SEMA7A: variants seen among roughly 807,000 people sequenced by gnomAD.
The protein encoded by SEMA7A is semaphorin 7A (JohnMiltonHagen blood group).
A neutral mutation model predicts 67.5 loss-of-function variants in SEMA7A; 21 were observed. That is an observed-to-expected ratio of 0.31 (90% CI 0.22 to 0.45). SEMA7A has a LOEUF of 0.45. Among genes scored for constraint, SEMA7A ranks in the 20% least tolerant of loss-of-function variants. The pLI is 1.00. For synonymous variants in SEMA7A, 364 were observed against 368.5 expected, an observed-to-expected ratio of 0.99 and a Z score of 0.14; for missense variants, 774 against 908.6, an observed-to-expected ratio of 0.85 and a Z score of 1.90.
chr15:74,424,265 G>A (rs2061024732), intron 1 of SEMA7A, among the ~76,000 whole-genome samples: 1 of 152,170 alleles, frequency 6.6e-6, no homozygotes, highest in Admixed American at 6.5e-5. Context: ...CTGGGTGCGA[G>A]TCAGGGTGGG....
At chr15:74,431,303 G>A (rs1992145) in intron 1 of SEMA7A, among the ~76,000 whole-genome samples, 67,276 of 151,974 alleles carry the variant, frequency 0.44, 16,926 homozygotes, top group Non-Finnish European at 0.56. Flanking sequence ...GGTACATGAT[G>A]GCCCATCTCT....
rs373889584 is a variant in SEMA7A, at chr15:74,417,857, A to G, written c.465+20T>C. On this transcript the variant is annotated intron_variant, in intron 4 of 13. Transcript: ENST00000261918. ...AGTAGAAGGTGAGCTGATCAGGCAC[A>G]TGGGGAGCAGCCTTCTCACCAGGTT... 60 of 1,612,242 alleles carry G rather than the reference A, an allele frequency of 3.7e-5. No individual in the cohort carries two copies. The highest frequency in any genetic ancestry group is 1.2e-4 in the Admixed American group (7 of 60,022).
chr15:74,412,090 G>C, intron 10 of SEMA7A, 78 bp from the exon 11 acceptor site: 5 of 1,561,546 alleles, frequency 3.2e-6, no homozygotes, highest in Non-Finnish European at 4.4e-6. Context: ...GCCGGGGAGG[G>C]GTGGGAAGTC....
Position 74,410,740 on chromosome 15 carries a change from G to A in SEMA7A, c.1885C>T (p.Leu629=), listed in dbSNP as rs145978330. ...SYFREAQHWQ[L]LPEDGIMAEH... ...GCCATGATGCCGTCCTCGGGCAGCA[G>A]CTGCCAGTGCTGAGCCTCGCGGAAG... The change falls in exon 14 of 14, where the codon CTG becomes TTG. Residue 629 remains leucine, a synonymous_variant. Coordinates refer to ENST00000261918, the MANE Select transcript of SEMA7A (RefSeq NM_003612.5). This position sits in a 1 kb window ranked among gnomAD's most constrained non-coding sequence, Gnocchi z 7.5. 340 of 1,613,884 alleles carry A rather than the reference G, an allele frequency of 2.1e-4. No homozygotes were observed. The highest frequency in any genetic ancestry group is 2.5e-4 in the Non-Finnish European group (298 of 1,180,036).
chr15:74,427,735 A>G (rs12593390), intron 1 of SEMA7A, among the ~76,000 whole-genome samples: 13,647 of 152,032 alleles, frequency 0.09, 987 homozygotes, highest in African/African-American at 0.2. Context: ...CCTTGATTGC[A>G]CCATCCCACA....
In SEMA7A at chr15:74,417,319, C is replaced by A; in HGVS notation, c.661+16G>T. On this transcript the variant is annotated intron_variant, in intron 6 of 13. Coordinates refer to ENST00000261918, the MANE Select transcript of SEMA7A (RefSeq NM_003612.5). ...ACCCCCTTGCCCACCCTCAGCCCAG[C>A]CGGAGCCTGACTCACTCTGCATGAC... 3 of 1,605,642 alleles carry A rather than the reference C, an allele frequency of 1.9e-6. No homozygotes were observed. Among genetic ancestry groups the A allele is most frequent in the African/African-American group, 1.3e-5 (1 of 74,878 alleles).
intron 1 of SEMA7A, among the ~76,000 whole-genome samples, chr15:74,419,793 C>T (rs1295740716): frequency 2.6e-5 from 4 of 152,164 alleles, no homozygotes; most frequent in Non-Finnish European, 5.9e-5. Context: ...GACAGGGGAA[C>T]CTTCACAGAG....
rs760934713 is a variant in SEMA7A, at chr15:74,415,985, C to T, written c.802G>A (p.Gly268Arg). The change falls in exon 8 of 14, where the codon GGG (glycine) becomes AGG (arginine). Residue 268 changes from glycine to arginine, a missense_variant and splice_region_variant. Gly to Arg is a moderately radical substitution (Grantham distance 125, BLOSUM62 -2). Transcript: ENST00000261918. ...AGTGAACTTTCCCCACCCTGGTCCC[C>T]CTGGAAGGGTAGAGGGGAGAAGAGG... ...NVSRVAQLCR[G>R]DQGGESSLSV... 24 of 1,613,730 alleles carry T rather than the reference C, an allele frequency of 1.5e-5. No homozygotes were observed. The African/African-American group carries it at 3.2e-4, about 22-fold the overall frequency.
At position 74,411,212 on chromosome 15, in the gene SEMA7A, T is replaced by G. The variant is rs2060896791; in HGVS notation, c.1639+83A>C. 1 of 1,474,816 alleles carries G rather than the reference T, an allele frequency of 6.8e-7. No homozygotes were observed. Among genetic ancestry groups the G allele is most frequent in the African/African-American group, 1.4e-5 (1 of 71,626 alleles). 91.4% of individuals were successfully genotyped at this position (1,474,816 alleles called of 1,614,324 possible). On this transcript the variant is annotated intron_variant, in intron 13 of 13. Transcript: ENST00000261918. The surrounding 1 kb of genome is among the most constrained non-coding windows in gnomAD (Gnocchi z 4.4). Reference sequence around the variant, plus strand: ...ACCTGGGGCCCACAGGACAAGGCCATGTCTCCCTCAGACCAGGACAATCAG... The same window carrying G: ...ACCTGGGGCCCACAGGACAAGGCCAGGTCTCCCTCAGACCAGGACAATCAG...
intron 1 of SEMA7A, among the ~76,000 whole-genome samples, chr15:74,420,405 G>A (rs2060990588): frequency 6.6e-6 from 1 of 152,224 alleles, no homozygotes; most frequent in South Asian, 2.1e-4. Context: ...GTCCCAGGCT[G>A]CAGTATCAGT....
chr15:74,419,030 A>G, intron 1 of SEMA7A, 78 bp from the exon 2 acceptor site: 1 of 1,510,798 alleles, frequency 6.6e-7, no homozygotes, highest in East Asian at 2.3e-5. Context: ...CACATGGCAC[A>G]CTGGAACCAG....
rs1755706761 is a variant in SEMA7A, at chr15:74,417,664, A to G, written c.477T>C (p.Thr159=). Residue 159 remains threonine (T), a synonymous_variant, in exon 5 of 14, where the codon ACT becomes ACC. Coordinates refer to ENST00000261918, the MANE Select transcript of SEMA7A (RefSeq NM_003612.5). The part of the protein sequence containing the change: ...HPSCWNLVNG[T]VVPLGEMRGY... ...CTCTCATCTCGCCAAGTGGCACCAC[A>G]GTGCCATTCACCTGTGGGAGATCCA... 1 of 1,611,054 alleles carries G rather than the reference A, an allele frequency of 6.2e-7. No homozygotes were observed. Among genetic ancestry groups the G allele is most frequent in the Non-Finnish European group, 8.5e-7 (1 of 1,179,130 alleles).
intron 7 of SEMA7A, 116 bp downstream of exon 7, chr15:74,416,458 CA>C: frequency 9.0e-7 from 1 of 1,114,628 alleles, no homozygotes; most frequent in Non-Finnish European, 1.3e-6. Context: ...GTCCCTGACA[CA>C]GACCCACTCA....
In SEMA7A at chr15:74,411,064, G is replaced by T; in HGVS notation, c.1640-79C>A. ...AGGATGTGTCCTCCCCACGGACTGG[G>T]ATCCCAGGACAAGGCTTCTGAATGA... On this transcript the variant is annotated intron_variant, in intron 13 of 13. Coordinates refer to ENST00000261918, the MANE Select transcript of SEMA7A (RefSeq NM_003612.5). This position sits in a 1 kb window ranked among gnomAD's most constrained non-coding sequence, Gnocchi z 4.4. 2.0e-6 allele frequency: 3 copies of T among 1,532,290 alleles called. No individual in the cohort carries two copies. In the African/African-American group the frequency reaches 4.1e-5, roughly 21 times the overall value. The allele number at this position is 1,532,290 out of a possible 1,614,324, so 94.9% of individuals were successfully genotyped here.
At chr15:74,417,168 T>C (rs952275212) in intron 6 of SEMA7A, among the ~76,000 whole-genome samples, 167 bp downstream of exon 6, 1 of 152,164 alleles carries the variant, frequency 6.6e-6, no homozygotes, top group Non-Finnish European at 1.5e-5. Flanking sequence ...TGTCTGTTCC[T>C]CTGCTCCCAG....
intron 2 of SEMA7A, 30 bp downstream of exon 2, chr15:74,418,771 G>A (rs199640283): frequency 8.1e-6 from 13 of 1,608,550 alleles, no homozygotes; most frequent in African/African-American, 2.7e-5. Flanking sequence ...AAGAGGGTAG[G>A]GGGGGTGTTG....
rs1416527035 is a variant in SEMA7A, at chr15:74,414,910, G to T, written c.1023C>A (p.Asp341Glu). The change falls in exon 9 of 14, where the codon GAC (aspartate) becomes GAA (glutamate). Residue 341 changes from aspartate to glutamate, a missense_variant. Coordinates refer to ENST00000261918, the MANE Select transcript of SEMA7A (RefSeq NM_003612.5). The surrounding 1 kb of genome is among the most constrained non-coding windows in gnomAD (Gnocchi z 4.1). ...YSAVCVYSLG[D>E]IDKVFRTSSL... The stretch of plus-strand genomic sequence containing the variant: ...AGGAGGTACGGAAGACCTTGTCAAT[G>T]TCACCGAGGGAATACACACAGACGG... 6.2e-7 allele frequency: 1 copy of T among 1,614,164 alleles called. No individual in the cohort carries two copies. The highest frequency in any genetic ancestry group is 1.1e-5 in the South Asian group (1 of 91,084).
chr15:74,419,957 C>T (rs745471516), intron 1 of SEMA7A, among the ~76,000 whole-genome samples: 2 of 152,156 alleles, frequency 1.3e-5, no homozygotes, highest in Admixed American at 1.3e-4. Flanking sequence ...GATGGGATGG[C>T]CTGTGGTTGT....
chr15:74,432,196 A>C (rs1446931234), intron 1 of SEMA7A, among the ~76,000 whole-genome samples: 5 of 152,032 alleles, frequency 3.3e-5, no homozygotes, highest in Non-Finnish European at 7.4e-5. Context: ...AGATGTGGCC[A>C]TTTGTCCCCT....
Sources: gnomAD v4.1 joint callset for allele counts (sites outside exome capture counted in the v4.1 genomes callset) on GRCh38, gnomAD v4.1.1 for gene constraint, Gnocchi (gnomAD v3.1) non-coding constraint, MANE v1.5 for transcripts, NCBI Gene and HGNC (gene_info 2026-07-23, HGNC 2026-07-21) for gene names.